The following ARMH1 variants were observed in gnomAD, a reference collection of about 807,000 sequenced individuals.
The protein encoded by ARMH1 is armadillo like helical domain containing 1.
ARMH1 carries 34 observed loss-of-function variants against 50.2 expected under a neutral mutation model. That is an observed-to-expected ratio of 0.68 (90% CI 0.51 to 0.90). ARMH1 has a LOEUF of 0.90. Ranked by LOEUF, ARMH1 falls within the 40% of genes least tolerant of loss-of-function variation. The pLI, the probability that ARMH1 is intolerant of heterozygous loss-of-function variation, is 0.00. For synonymous variants in ARMH1, 221 were observed against 224.2 expected (o/e 0.99, Z 0.13); for missense variants, 538 against 553.9 (o/e 0.97, Z 0.29).
At chr1:44,700,414 A>G (rs7533302) in intron 4 of ARMH1, among the ~76,000 whole-genome samples, 15,926 of 152,054 alleles carry the variant, frequency 0.1, 2,760 homozygotes, top group African/African-American at 0.36. Context: ...TCAGGAGATA[A>G]AGACCATCCT....
intron 2 of ARMH1, among the ~76,000 whole-genome samples, chr1:44,692,610 A>G (rs1645694630): frequency 4.6e-5 from 7 of 152,184 alleles, no homozygotes; most frequent in Admixed American, 4.6e-4. Context: ...GGTTTAAGTA[A>G]ACACTGCTCT....
chr1:44,698,126 G>A lies in ARMH1; in HGVS notation c.339G>A (p.Gly113=), dbSNP rs1386562417. Residue 113 remains glycine (G), a synonymous_variant, in exon 4 of 12, where the codon GGG becomes GGA. Transcript: ENST00000535358. Reference sequence around the variant, plus strand: ...TCCTAACCCTCTTGGAAATACTTGGGCTAGAGAAGATCAAGGAGGAGGCCA... The same window carrying A: ...TCCTAACCCTCTTGGAAATACTTGGACTAGAGAAGATCAAGGAGGAGGCCA... ...GGVLTLLEIL[G]LEKIKEEAKK... is the part of the protein sequence containing the mutation. 1.3e-6 allele frequency: 2 copies of A among 1,552,302 alleles called. No individual in the cohort carries two copies. The highest frequency in any genetic ancestry group is 2.0e-5 in the Admixed American group (1 of 51,012).
chr1:44,687,361 A>G (rs1453086225), intron 1 of ARMH1, among the ~76,000 whole-genome samples: 1 of 152,238 alleles, frequency 6.6e-6, no homozygotes, highest in Non-Finnish European at 1.5e-5. Context: ...ATCTGCATTT[A>G]CAGCCACATC....
chr1:44,724,791 G>T lies in ARMH1; in HGVS notation c.1080G>T (p.Ala360=). The stretch of plus-strand genomic sequence containing the variant: ...TCGTGCAGATGTTCCCCTTGGTGGC[G>T]GAGCACGTGCGCAAGTGCATGGGGG... ...ECFVQMFPLV[A]EHVRKCMGEE... Residue 360 remains alanine, a synonymous_variant, in exon 10 of 12, where the codon GCG becomes GCT. Transcript: ENST00000535358. The surrounding 1 kb of genome is among the most constrained non-coding windows in gnomAD (Gnocchi z 6.4). 1 of 1,543,936 alleles carries T rather than the reference G, an allele frequency of 6.5e-7. No individual in the cohort carries two copies.
In ARMH1 at chr1:44,724,145, G is replaced by A. The variant is rs75696348; in HGVS notation, c.748G>A (p.Val250Ile). 12,050 of 1,551,700 alleles carry A rather than the reference G, an allele frequency of 7.8e-3. 64 individuals are homozygous for A. The highest frequency in any genetic ancestry group is 0.017 in the Middle Eastern group (104 of 5,990). The change falls in exon 7 of 12, where the codon GTC (valine) becomes ATC (isoleucine). Residue 250 changes from valine (V) to isoleucine (I), a missense_variant. Transcript: ENST00000535358. The surrounding 1 kb of genome is among the most constrained non-coding windows in gnomAD (Gnocchi z 6.4). The part of the protein sequence containing the change: ...YEAIELIKDL[V>I]GYDVRQALLK... ...AGCCATCGAGTTGATCAAAGACCTG[G>A]TCGGTTACGATGTGCGCCAGGCGCT...
chr1:44,717,430 C>T (rs564990947), intron 6 of ARMH1, among the ~76,000 whole-genome samples: 1 of 152,334 alleles, frequency 6.6e-6, no homozygotes, highest in Non-Finnish European at 1.5e-5. Flanking sequence ...TCCAGCCCCT[C>T]CCTTCTCCCT....
chr1:44,725,018 T>C (rs971856527), intron 10 of ARMH1, 118 bp from the exon 11 acceptor site: 4 of 1,518,620 alleles, frequency 2.6e-6, no homozygotes, highest in Admixed American at 4.1e-5. Flanking sequence ...TTCCCTTTCC[T>C]GCCCTTTCGG....
Position 44,674,860 on chromosome 1 carries a change from T to G in ARMH1, c.-36T>G, listed in dbSNP as rs1028038646. Reference sequence around the variant, plus strand: ...TCTGCCATCCTCTACCAGCCGCAACTGCGAGGGCTGGAGGTATAAAACCGT... The same window carrying G: ...TCTGCCATCCTCTACCAGCCGCAACGGCGAGGGCTGGAGGTATAAAACCGT... On this transcript the variant is annotated 5_prime_UTR_variant, in exon 1 of 12. Coordinates refer to ENST00000535358, the MANE Select transcript of ARMH1 (RefSeq NM_001145636.2). 1.9e-5 allele frequency: 3 copies of G among 155,962 alleles called. No homozygotes were observed. Among genetic ancestry groups the G allele is most frequent in the Non-Finnish European group, 4.3e-5 (3 of 70,058 alleles). 9.7% of individuals were successfully genotyped at this position (155,962 alleles called of 1,614,324 possible). A position where few individuals can be genotyped will look rare whatever the true frequency, so the allele number is the denominator to read the frequency against.
In ARMH1 at chr1:44,697,696, G is replaced by A. The variant is rs1032799823; in HGVS notation, c.276-367G>A. 1.3e-4 allele frequency among the ~76,000 whole-genome samples: 19 copies of A among 150,568 alleles called. 1 individual carries two copies. Among genetic ancestry groups the A allele is most frequent in the Admixed American group, 7.2e-4 (11 of 15,250 alleles). On this transcript the variant is annotated intron_variant, in intron 3 of 11. Coordinates refer to ENST00000535358, the MANE Select transcript of ARMH1 (RefSeq NM_001145636.2). The stretch of plus-strand genomic sequence containing the variant: ...CTTTGAGCCTCATTGGACCAATTTA[G>A]GTCCCATGCCCAGCCCCAAACGAAC...
At position 44,724,681 on chromosome 1, in the gene ARMH1, G is replaced by C; in HGVS notation, c.1050+13G>C. The C allele has an allele frequency of 1.3e-6, 2 of 1,482,742 alleles. No individual in the cohort carries two copies. Among genetic ancestry groups the C allele is most frequent in the Non-Finnish European group, 1.8e-6 (2 of 1,123,712 alleles). The allele number at this position is 1,482,742 out of a possible 1,614,324, so 91.8% of individuals were successfully genotyped here. A position where few individuals can be genotyped will look rare whatever the true frequency, so the allele number is the denominator to read the frequency against. ...CCTCACGCTGGAGGTGCGCGCGGCG[G>C]CTGGTTAGGGGGCGGGAAGGGCGGC... On this transcript the variant is annotated intron_variant, in intron 9 of 11. Transcript: ENST00000535358. This position sits in a 1 kb window ranked among gnomAD's most constrained non-coding sequence, Gnocchi z 6.4.
In ARMH1 at chr1:44,697,174, AGTTCT is replaced by A. The variant is rs1486086632; in HGVS notation, c.275+10_275+14del. 1 of 1,550,764 alleles carries A rather than the reference AGTTCT, an allele frequency of 6.4e-7. No homozygotes were observed. The highest frequency in any genetic ancestry group is 8.7e-7 in the Non-Finnish European group (1 of 1,145,768). ...TCTTCTTATCAGCTGTAAGCAGGTG[AGTTCT>A]GTTCTAGCGTGATTCTGGGGGTCTC... On this transcript the variant is annotated splice_donor_5th_base_variant and intron_variant, in intron 3 of 11. Coordinates refer to ENST00000535358, the MANE Select transcript of ARMH1 (RefSeq NM_001145636.2).
At chr1:44,692,912 T>G (rs1290263964) in intron 2 of ARMH1, 2 of 152,054 alleles carry the variant, frequency 1.3e-5, no homozygotes, top group Non-Finnish European at 2.9e-5. Flanking sequence ...TTTTTCTGTT[T>G]TTAAAATTTT....
chr1:44,712,064 C>G (rs534971876), intron 6 of ARMH1, among the ~76,000 whole-genome samples: 8 of 152,302 alleles, frequency 5.3e-5, no homozygotes, highest in African/African-American at 1.9e-4. Flanking sequence ...ACAAGACTTG[C>G]CTTGTTTTTA....
At chr1:44,704,816 G>A (rs1646263978) in intron 6 of ARMH1, among the ~76,000 whole-genome samples, 1 of 139,310 alleles carries the variant, frequency 7.2e-6, no homozygotes. Flanking sequence ...CCGGCCAGGA[G>A]CTTTTATTTA....
At chr1:44,714,585 CAAAA>C (rs547949743) in intron 6 of ARMH1, among the ~76,000 whole-genome samples, 1 of 83,626 alleles carries the variant, frequency 1.2e-5, no homozygotes, top group Non-Finnish European at 2.7e-5. Context: ...AACTCCGTCT[CAAAA>C]AAAAAAAAAA....
rs541535558 is a variant in ARMH1 at position 44,722,148 on chromosome 1, A to G, written c.725-1974A>G. ...TGCAAATGAGCTGAGCGCCGGAACA[A>G]GAGTTCCTCTAAACCCTCTCTCTCT... On this transcript the variant is annotated intron_variant, in intron 6 of 11. Coordinates refer to ENST00000535358, the MANE Select transcript of ARMH1 (RefSeq NM_001145636.2). 2.0e-5 allele frequency among the ~76,000 whole-genome samples: 3 copies of G among 152,248 alleles called. No homozygotes were observed. The East Asian group carries it at 5.8e-4, about 29-fold the overall frequency.
chr1:44,692,042 A>G lies in ARMH1; in HGVS notation c.206+2139A>G, dbSNP rs191320881. On this transcript the variant is annotated intron_variant, in intron 2 of 11. Coordinates refer to ENST00000535358, the MANE Select transcript of ARMH1 (RefSeq NM_001145636.2). ...CCATAGCACTCTACAGATTTATCTC[A>G]GACCCTTTTATTGTATATTTCTGTC... Among the ~76,000 whole-genome samples, 6 of 152,326 alleles carry G rather than the reference A, an allele frequency of 3.9e-5. No individual in the cohort carries two copies. The East Asian group carries it at 1.2e-3, about 29-fold the overall frequency.
intron 1 of ARMH1, among the ~76,000 whole-genome samples, chr1:44,675,507 T>G (rs1164731382): frequency 6.6e-6 from 1 of 150,878 alleles, no homozygotes; most frequent in African/African-American, 2.4e-5. Flanking sequence ...AATTAAAATT[T>G]TAAAAATTAG....
chr1:44,693,720 T>C (rs1645734692), intron 2 of ARMH1, among the ~76,000 whole-genome samples: 1 of 152,222 alleles, frequency 6.6e-6, no homozygotes, highest in African/African-American at 2.4e-5. Context: ...CCTCTCAAAG[T>C]GCTGGGATTA....
Sources: gnomAD v4.1 joint callset for allele counts (sites outside exome capture counted in the v4.1 genomes callset) on GRCh38, gnomAD v4.1.1 for gene constraint, Gnocchi (gnomAD v3.1) non-coding constraint, MANE v1.5 for transcripts, NCBI Gene and HGNC (gene_info 2026-07-23, HGNC 2026-07-21) for gene names.